CPNE1: variants seen among roughly 807,000 people sequenced by gnomAD.
CPNE1 encodes the protein copine-1.
Under a neutral mutation model 63.2 loss-of-function variants are expected in CPNE1, and 58 were observed. The ratio of observed to expected loss-of-function variants is 0.92; its 90% CI spans 0.74 to 1.14. The LOEUF (loss-of-function observed/expected upper bound fraction) is 1.14, where lower values mean the gene tolerates loss of function less well. CPNE1 is among the 50% of genes most tolerant of loss of function. The pLI, the probability that CPNE1 is intolerant of heterozygous loss-of-function variation, is 0.00. For synonymous variants in CPNE1, 237 were observed against 249.0 expected, an observed-to-expected ratio of 0.95 and a Z score of 0.45; for missense variants, 672 against 661.7, an observed-to-expected ratio of 1.02 and a Z score of -0.17.
intron 1 of CPNE1, chr20:35,652,533 T>G (rs779671271): frequency 1.2e-6 from 2 of 1,610,618 alleles, no homozygotes; most frequent in Non-Finnish European, 1.7e-6. Context: ...GCTACCCTAA[T>G]ACAAGTTTTA....
chr20:35,627,642 G>A (rs2031850073), intron 13 of CPNE1: 2 of 428,108 alleles, frequency 4.7e-6, no homozygotes, highest in Non-Finnish European at 8.4e-6. Context: ...CAGATGAGAG[G>A]GATTCTCCTG....
intron 1 of CPNE1, among the ~76,000 whole-genome samples, chr20:35,658,647 G>A (rs144759074): frequency 0.038 from 5,785 of 152,164 alleles, 378 homozygotes; most frequent in African/African-American, 0.13. Flanking sequence ...TGTAATCCCA[G>A]CTATTCGGGA....
In CPNE1 at chr20:35,626,053, A is replaced by T; in HGVS notation, c.*188T>A. The T allele has an allele frequency of 1.5e-6, 1 of 680,246 alleles. No homozygotes were observed. Among genetic ancestry groups the T allele is most frequent in the African/African-American group, 1.8e-5 (1 of 56,062 alleles). The allele number at this position is 680,246 out of a possible 1,614,324, so 42.1% of individuals were successfully genotyped here. On this transcript the variant is annotated 3_prime_UTR_variant, in exon 16 of 16. Transcript: ENST00000397443. ...GAGTGGTGGCAAAGCATTGGTCTTC[A>T]CTGGTCTTTATTGAATGAGGGTTGT...
At chr20:35,644,141 G>C (rs984749041) in intron 1 of CPNE1, among the ~76,000 whole-genome samples, 1 of 152,074 alleles carries the variant, frequency 6.6e-6, no homozygotes, top group African/African-American at 2.4e-5. Flanking sequence ...TCCCCTGCCC[G>C]GCACAGAGTA....
intron 6 of CPNE1, 40 bp downstream of exon 6, chr20:35,631,905 A>G (rs759724487): frequency 6.3e-7 from 1 of 1,588,890 alleles, no homozygotes; most frequent in Non-Finnish European, 8.6e-7. Flanking sequence ...CCAGGAGATT[A>G]TCTCCTACCC....
chr20:35,631,732 G>T lies in CPNE1; in HGVS notation c.583C>A (p.Pro195Thr). The T allele has an allele frequency of 6.2e-7, 1 of 1,614,042 alleles. No homozygotes were observed. The highest frequency in any genetic ancestry group is 8.5e-7 in the Non-Finnish European group (1 of 1,180,000). The change falls in exon 7 of 16, where the codon CCC becomes ACC. Residue 195 changes from proline to threonine, a missense_variant. Physicochemically the swap from Pro to Thr is conservative, Grantham distance 38. Transcript: ENST00000397443. ...LNPTWKRFSV[P>T]VQHFCGGNPS... ...TTCCCACCACAGAAATGCTGAACGG[G>T]GACTGAGAAACGCTTCCATGTAGGG...
intron 1 of CPNE1, among the ~76,000 whole-genome samples, chr20:35,644,516 C>T (rs1255970120): frequency 6.6e-6 from 1 of 152,200 alleles, no homozygotes; most frequent in African/African-American, 2.4e-5. Flanking sequence ...CATACAATCA[C>T]AGAAGCTTAA....
At chr20:35,653,924 T>G (rs2033719391) in intron 1 of CPNE1, 1 of 1,614,060 alleles carries the variant, frequency 6.2e-7, no homozygotes, top group Non-Finnish European at 8.5e-7. Flanking sequence ...GCTTTCCCAT[T>G]GGGTCCATAA....
At chr20:35,627,505 G>A (rs976952231) in intron 13 of CPNE1, 92 bp from the exon 14 acceptor site, 33 of 1,316,680 alleles carry the variant, frequency 2.5e-5, no homozygotes, top group African/African-American at 1.0e-4. Context: ...AGGAGATCTC[G>A]GAACCTGGGT....
At chr20:35,663,512 T>C (rs1356768815) in intron 1 of CPNE1, among the ~76,000 whole-genome samples, 1 of 152,194 alleles carries the variant, frequency 6.6e-6, no homozygotes, top group Admixed American at 6.5e-5. Flanking sequence ...TGGGTTATAC[T>C]GACTCTATTA....
intron 1 of CPNE1, among the ~76,000 whole-genome samples, chr20:35,663,280 T>C (rs908428571): frequency 6.6e-6 from 1 of 152,232 alleles, no homozygotes; most frequent in Non-Finnish European, 1.5e-5. Flanking sequence ...GATTTCCCTA[T>C]GTGTCCAGAC....
At chr20:35,653,328 T>TGCACTGGGCAGTCCC (rs756329685) in intron 1 of CPNE1, 9 of 1,613,906 alleles carry the variant, frequency 5.6e-6, no homozygotes, top group African/African-American at 5.3e-5. Context: ...CGGGAAGTCC[T>TGCACTGGGCAGTCCC]GCACTGGGCA....
intron 6 of CPNE1, 54 bp from the exon 7 acceptor site, chr20:35,631,831 C>G: frequency 6.5e-7 from 1 of 1,548,698 alleles, no homozygotes. Context: ...CCCTGAGGAG[C>G]TGCCACACTT....
chr20:35,653,379 T>G, intron 1 of CPNE1: 1 of 1,614,130 alleles, frequency 6.2e-7, no homozygotes, highest in Non-Finnish European at 8.5e-7. Context: ...TTCCTGGAAC[T>G]GCAGGATTAC....
At chr20:35,655,249 C>T (rs2033826407) in intron 1 of CPNE1, 1 of 1,613,818 alleles carries the variant, frequency 6.2e-7, no homozygotes, top group Non-Finnish European at 8.5e-7. Flanking sequence ...AATGGTCAAT[C>T]CAGAGAAGAA....
chr20:35,638,833 T>TGAA (rs1468877669), intron 1 of CPNE1, among the ~76,000 whole-genome samples: 1 of 152,124 alleles, frequency 6.6e-6, no homozygotes, highest in Non-Finnish European at 1.5e-5. Flanking sequence ...TGAATAAAAA[T>TGAA]GAAGAATAAA....
At chr20:35,658,633 C>T (rs970603659) in intron 1 of CPNE1, among the ~76,000 whole-genome samples, 6 of 151,744 alleles carry the variant, frequency 4.0e-5, no homozygotes, top group East Asian at 1.9e-4. Flanking sequence ...TGGTGGCAGG[C>T]GCCTGTAATC....
At chr20:35,664,004 T>C (rs1178345403) in intron 1 of CPNE1, among the ~76,000 whole-genome samples, 2 of 152,144 alleles carry the variant, frequency 1.3e-5, no homozygotes, top group African/African-American at 4.8e-5. Context: ...AGCAGCCCCT[T>C]CCCTACTGGG....
intron 1 of CPNE1, among the ~76,000 whole-genome samples, chr20:35,646,291 CTATT>C (rs1016837019): frequency 4.7e-5 from 6 of 128,316 alleles, no homozygotes; most frequent in African/African-American, 1.7e-4. Flanking sequence ...AACAAAAAAA[CTATT>C]TAACCCTCTT....
Sources: gnomAD v4.1 joint callset for allele counts (sites outside exome capture counted in the v4.1 genomes callset) on GRCh38, gnomAD v4.1.1 for gene constraint, MANE v1.5 for transcripts, NCBI Gene and HGNC (gene_info 2026-07-23, HGNC 2026-07-21) for gene names.